DAB1: variants seen among roughly 807,000 people sequenced by gnomAD.
The protein encoded by DAB1 is DAB adaptor protein 1.
Under a neutral mutation model 64.6 loss-of-function variants are expected in DAB1, and 15 were observed. That is an observed-to-expected ratio of 0.23 (90% CI 0.16 to 0.36). DAB1 has a LOEUF of 0.36. Ranked by LOEUF, DAB1 falls within the 10% of genes least tolerant of loss-of-function variation. DAB1 has a pLI of 1.00. For missense variants in DAB1, 596 were observed against 706.7 expected (o/e 0.84, Z 1.78); for synonymous variants, 235 against 251.9 (o/e 0.93, Z 0.64).
chr1:58,218,383 A>G lies in DAB1; in HGVS notation n.310-67795T>C, dbSNP rs570895918. Reference sequence around the variant, plus strand: ...CCTAGGGTCAGGGTTGAGCCAAGCCAGGGCTGAGGGTGAGGTTAAGAATTT... The same window carrying G: ...CCTAGGGTCAGGGTTGAGCCAAGCCGGGGCTGAGGGTGAGGTTAAGAATTT... On this transcript the variant is annotated intron_variant and non_coding_transcript_variant, in intron 4 of 20. Transcript: ENST00000485760. Among the ~76,000 whole-genome samples, 300 of 152,262 alleles carry G rather than the reference A, an allele frequency of 2.0e-3. 2 individuals carry two copies. The highest frequency in any genetic ancestry group is 6.9e-3 in the African/African-American group (288 of 41,540).
intron 2 of DAB1, among the ~76,000 whole-genome samples, chr1:57,276,383 A>G (rs2100610935): frequency 6.6e-6 from 1 of 152,350 alleles, no homozygotes; most frequent in East Asian, 1.9e-4. Flanking sequence ...TCAAAGAAAA[A>G]CTACTTGAAT....
At chr1:58,516,047 G>A (rs151089184) in intron 2 of DAB1, among the ~76,000 whole-genome samples, 37 of 152,286 alleles carry the variant, frequency 2.4e-4, no homozygotes, top group Middle Eastern at 3.4e-3. Context: ...AGCAGGCCAC[G>A]TTTCCCAAAA....
chr1:58,509,819 T>C (rs967909076), intron 2 of DAB1, among the ~76,000 whole-genome samples: 1 of 151,888 alleles, frequency 6.6e-6, no homozygotes, highest in African/African-American at 2.4e-5. Context: ...CAGCATACCA[T>C]TGTAACTGAT....
At chr1:58,173,435 C>T (rs1329799680) in intron 4 of DAB1, among the ~76,000 whole-genome samples, 1 of 152,192 alleles carries the variant, frequency 6.6e-6, no homozygotes, top group Non-Finnish European at 1.5e-5. Context: ...GGCAAACACA[C>T]TCCCTGCATG....
intron 7 of DAB1, among the ~76,000 whole-genome samples, chr1:57,435,409 T>C (rs931129697): frequency 6.6e-6 from 1 of 152,218 alleles, no homozygotes; most frequent in East Asian, 1.9e-4. Flanking sequence ...TTTTACTTCA[T>C]AAACTTTTGA....
chr1:57,432,448 T>G (rs555831372), intron 7 of DAB1, among the ~76,000 whole-genome samples: 6 of 152,250 alleles, frequency 3.9e-5, no homozygotes, highest in African/African-American at 1.4e-4. Context: ...GGGTAAACTG[T>G]GTATCAAAAG....
intron 3 of DAB1, among the ~76,000 whole-genome samples, chr1:58,432,169 G>T (rs1644884599): frequency 6.6e-6 from 1 of 152,092 alleles, no homozygotes. Context: ...CCCATCCTTT[G>T]CATGGCTGCT....
chr1:57,760,670 A>T (rs1472182703), intron 6 of DAB1, among the ~76,000 whole-genome samples: 1 of 151,406 alleles, frequency 6.6e-6, no homozygotes, highest in Non-Finnish European at 1.5e-5. Context: ...ACACACACAC[A>T]TACTGCACCA....
chr1:57,160,906 T>G (rs1407905112), intron 2 of DAB1, among the ~76,000 whole-genome samples: 1 of 152,144 alleles, frequency 6.6e-6, no homozygotes, highest in Non-Finnish European at 1.5e-5. Flanking sequence ...CCAGGCCCCA[T>G]GTCTCAGTTT....
chr1:58,098,445 T>C (rs1651119428), intron 5 of DAB1, among the ~76,000 whole-genome samples: 1 of 152,132 alleles, frequency 6.6e-6, no homozygotes, highest in Non-Finnish European at 1.5e-5. Flanking sequence ...AGTGACACCA[T>C]AGGCCAGTAA....
At chr1:57,900,610 A>G (rs986166132) in intron 5 of DAB1, among the ~76,000 whole-genome samples, 1 of 152,148 alleles carries the variant, frequency 6.6e-6, no homozygotes, top group African/African-American at 2.4e-5. Flanking sequence ...ATATAAGTCA[A>G]TCCATCCTTC....
At chr1:57,441,322 TTTCCTCCTTC>T (rs770631871) in intron 7 of DAB1, among the ~76,000 whole-genome samples, 35,614 of 137,724 alleles carry the variant, frequency 0.26, 4,853 homozygotes, top group East Asian at 0.41. Context: ...TTCTTTCTTC[TTTCCTCCTTC>T]TTCTTTCTTT....
chr1:58,428,425 C>G (rs1644840307), intron 3 of DAB1, among the ~76,000 whole-genome samples: 1 of 152,160 alleles, frequency 6.6e-6, no homozygotes, highest in East Asian at 1.9e-4. Flanking sequence ...CACAAACAAC[C>G]CTGTTTCTTC....
chr1:57,506,096 T>C (rs558014278), intron 7 of DAB1, among the ~76,000 whole-genome samples: 3 of 152,308 alleles, frequency 2.0e-5, no homozygotes, highest in Non-Finnish European at 2.9e-5. Flanking sequence ...CTTGGTAACT[T>C]ATACTTAGGG....
intron 14 of DAB1, among the ~76,000 whole-genome samples, chr1:56,999,747 T>C (rs1337097415): frequency 6.6e-6 from 1 of 152,222 alleles, no homozygotes; most frequent in Non-Finnish European, 1.5e-5. Flanking sequence ...TTAGTATCCA[T>C]GCCAAGAGTA....
chr1:57,558,646 T>C (rs571355630), intron 7 of DAB1, among the ~76,000 whole-genome samples: 1 of 152,310 alleles, frequency 6.6e-6, no homozygotes, highest in African/African-American at 2.4e-5. Flanking sequence ...CTGAATTTAT[T>C]GATTTGGGCC....
intron 3 of DAB1, among the ~76,000 whole-genome samples, chr1:58,467,195 G>A (rs144139349): frequency 6.4e-4 from 98 of 152,278 alleles, no homozygotes; most frequent in African/African-American, 2.3e-3. Context: ...TGAGGATAAC[G>A]CCAAACTCTT....
chr1:57,454,528 C>T (rs551234828), intron 7 of DAB1, among the ~76,000 whole-genome samples: 1 of 151,894 alleles, frequency 6.6e-6, no homozygotes, highest in East Asian at 1.9e-4. Context: ...GGAGGAGGGA[C>T]AGGATCAGAA....
At chr1:57,661,568 G>A (rs1332808344) in intron 6 of DAB1, among the ~76,000 whole-genome samples, 3 of 152,118 alleles carry the variant, frequency 2.0e-5, no homozygotes, top group Non-Finnish European at 4.4e-5. Flanking sequence ...ATAGTGTACA[G>A]TTGTCCCTTG....
Sources: allele counts gnomAD v4.1 joint callset (sites outside exome capture counted in the v4.1 genomes callset), GRCh38; gene constraint gnomAD v4.1.1; transcripts MANE v1.5; gene names NCBI Gene and HGNC (gene_info 2026-07-23, HGNC 2026-07-21).